ENPP3: variants seen among roughly 807,000 people sequenced by gnomAD.
ENPP3 encodes ectonucleotide pyrophosphatase/phosphodiesterase family member 3.
In ENPP3, 104 loss-of-function variants were observed where a neutral mutation model predicts 117.8. The observed-to-expected ratio is 0.88, with a 90% CI of 0.75 to 1.04. ENPP3 has a LOEUF of 1.04. ENPP3 is among the 50% of genes least tolerant of loss of function. The probability of loss-of-function intolerance (pLI) is 0.00; values close to 1 mark genes in which losing one functional copy is unlikely to be tolerated. For missense variants in ENPP3, 1,026 were observed against 1,051.9 expected, an observed-to-expected ratio of 0.98 and a Z score of 0.34; for synonymous variants, 380 against 349.9, an observed-to-expected ratio of 1.09 and a Z score of -0.96.
chr6:131,742,399 A>G (rs149229448), intron 24 of ENPP3, among the ~76,000 whole-genome samples: 321 of 152,292 alleles, frequency 2.1e-3, no homozygotes, highest in African/African-American at 7.4e-3. Context: ...CAATGAGTAC[A>G]CAAAGAAAAA....
intron 15 of ENPP3, among the ~76,000 whole-genome samples, chr6:131,701,747 C>T (rs1273411033): frequency 6.7e-6 from 1 of 150,238 alleles, no homozygotes; most frequent in Non-Finnish European, 1.5e-5. Flanking sequence ...CCCGGCGTGG[C>T]GGCGTGTACC....
chr6:131,647,929 G>A (rs1778183884), intron 2 of ENPP3, among the ~76,000 whole-genome samples: 1 of 152,018 alleles, frequency 6.6e-6, no homozygotes, highest in Non-Finnish European at 1.5e-5. Flanking sequence ...GTATATTCTT[G>A]TAGAAATTTT....
At chr6:131,720,260 C>CTAA (rs749414677) in intron 16 of ENPP3, 32 bp from the exon 17 acceptor site, 11 of 1,317,596 alleles carry the variant, frequency 8.3e-6, no homozygotes, top group Middle Eastern at 2.0e-4. Context: ...TGGATGACAT[C>CTAA]TAATAATAAT....
intron 17 of ENPP3, 49 bp downstream of exon 17, chr6:131,720,428 T>G (rs377224460): frequency 5.3e-6 from 5 of 942,096 alleles, no homozygotes; most frequent in Non-Finnish European, 8.1e-6. Flanking sequence ...TAGTTTTAAA[T>G]ATATGTGATT....
chr6:131,727,479 C>T lies in ENPP3; in HGVS notation c.1953+1279C>T, dbSNP rs145016070. On this transcript the variant is annotated intron_variant, in intron 20 of 24. Coordinates refer to ENST00000357639, the MANE Select transcript of ENPP3 (RefSeq NM_005021.5). The stretch of plus-strand genomic sequence containing the variant: ...CTGAGGCAGGAGAATCGCTTGAACC[C>T]GGGAGGTGGAGGTTGCAGTGAGCCA... 6.3e-3 allele frequency among the ~76,000 whole-genome samples: 889 copies of T among 140,224 alleles called. 7 individuals carry two copies. The highest frequency in any genetic ancestry group is 0.024 in the African/African-American group (852 of 36,126). 92.0% of individuals were successfully genotyped at this position (140,224 alleles called of 152,430 possible). A position where few individuals can be genotyped will look rare whatever the true frequency, so the allele number is the denominator to read the frequency against.
chr6:131,716,724 T>A, intron 15 of ENPP3, among the ~76,000 whole-genome samples: 1 of 150,848 alleles, frequency 6.6e-6, no homozygotes, highest in Non-Finnish European at 1.5e-5. Flanking sequence ...ATCCCAGCAC[T>A]TTGGGAGGCT....
chr6:131,738,017 G>T lies in ENPP3; in HGVS notation c.2168-14G>T, dbSNP rs909430740. 9 of 1,569,262 alleles carry T rather than the reference G, an allele frequency of 5.7e-6. No individual in the cohort carries two copies. Among genetic ancestry groups the T allele is most frequent in the Non-Finnish European group, 7.8e-6 (9 of 1,152,246 alleles). On this transcript the variant is annotated splice_polypyrimidine_tract_variant and intron_variant, in intron 22 of 24. Transcript: ENST00000357639. ...GAAGTGGACATTTTAAACACTTTAT[G>T]ATTTTATTTTTAGAAATGTGGGACT...
intron 14 of ENPP3, among the ~76,000 whole-genome samples, chr6:131,693,213 A>G (rs533674505): frequency 6.6e-6 from 1 of 151,340 alleles, no homozygotes; most frequent in East Asian, 1.9e-4. Context: ...GTCTCACTCT[A>G]TGGCCCAGGC....
intron 7 of ENPP3, among the ~76,000 whole-genome samples, chr6:131,673,359 G>A (rs1778789605): frequency 6.6e-6 from 1 of 152,136 alleles, no homozygotes; most frequent in South Asian, 2.1e-4. Context: ...ATATTATGCA[G>A]CCATAAAAAA....
Position 131,652,569 on chromosome 6 carries a change from G to A in ENPP3, c.305G>A (p.Arg102His), listed in dbSNP as rs371115901. Residue 102 changes from arginine to histidine, a missense_variant, in exon 4 of 25, where the codon CGT becomes CAT. Coordinates refer to ENST00000357639, the MANE Select transcript of ENPP3 (RefSeq NM_005021.5). The part of the protein sequence containing the change: ...STRIWMCNKF[R>H]CGETRLEASL... ...CGAATATGGATGTGCAATAAATTTC[G>A]TTGTGGAGAGACCAGATTAGAGGCC... The A allele has an allele frequency of 4.2e-5, 68 of 1,613,854 alleles. No individual in the cohort carries two copies. Among genetic ancestry groups the A allele is most frequent in the Middle Eastern group, 3.3e-4 (2 of 6,080 alleles).
At position 131,701,378 on chromosome 6, in the gene ENPP3, G is replaced by C. The variant is rs1219090444; in HGVS notation, c.1412+7754G>C. 2 of 1,614,004 alleles carry C rather than the reference G, an allele frequency of 1.2e-6. No individual in the cohort carries two copies. Among genetic ancestry groups the C allele is most frequent in the Admixed American group, 1.7e-5 (1 of 60,014 alleles). On this transcript the variant is annotated intron_variant, in intron 15 of 24. Transcript: ENST00000357639. ...GAAATCCCAGTAGGAGGAACTCTCTGATGGATGTTATATTGTCTCCCATAT... is the reference window on the plus strand; with the variant it reads ...GAAATCCCAGTAGGAGGAACTCTCTCATGGATGTTATATTGTCTCCCATAT...
At chr6:131,693,812 A>G (rs1432968752) in intron 15 of ENPP3, among the ~76,000 whole-genome samples, 188 bp downstream of exon 15, 1 of 152,192 alleles carries the variant, frequency 6.6e-6, no homozygotes, top group Non-Finnish European at 1.5e-5. Flanking sequence ...TGATTTTAGC[A>G]TCCTTATCTT....
chr6:131,690,739 G>T (rs1779258869), intron 14 of ENPP3, among the ~76,000 whole-genome samples: 2 of 151,844 alleles, frequency 1.3e-5, no homozygotes, highest in African/African-American at 2.4e-5. Flanking sequence ...GCCCATTAGA[G>T]CAGAATTTCT....
chr6:131,641,600 T>C (rs2114283870), intron 2 of ENPP3, 70 bp downstream of exon 2: 1 of 977,174 alleles, frequency 1.0e-6, no homozygotes. Flanking sequence ...TTCATTAAAA[T>C]GTATCTCCCA....
intron 20 of ENPP3, among the ~76,000 whole-genome samples, chr6:131,730,520 C>T (rs777635628): frequency 2.0e-5 from 3 of 152,222 alleles, no homozygotes; most frequent in Non-Finnish European, 4.4e-5. Flanking sequence ...GGGGAAGATA[C>T]ATTCTTGAGA....
Position 131,652,890 on chromosome 6 carries a change from G to A in ENPP3, c.463G>A (p.Gly155Arg). 1.9e-6 allele frequency: 3 copies of A among 1,606,878 alleles called. No homozygotes were observed. Among genetic ancestry groups the A allele is most frequent in the Middle Eastern group, 3.3e-4 (2 of 6,044 alleles). Residue 155 changes from glycine to arginine, a missense_variant and splice_region_variant, in exon 5 of 25, where the codon GGG (glycine) becomes AGG (arginine). Physicochemically the swap from Gly to Arg is moderately radical, Grantham distance 125. Coordinates refer to ENST00000357639, the MANE Select transcript of ENPP3 (RefSeq NM_005021.5). ...AGCCCAGCAGTCTCAGTGCCCAGAA[G>A]GGTGAGCATGACTGATACAGGGATT... ...DTAQQSQCPE[G>R]FDLPPVILFS...
rs370841703 is a variant in ENPP3 at position 131,691,047 on chromosome 6, C to T, written c.1285-2450C>T. 6.6e-5 allele frequency among the ~76,000 whole-genome samples: 10 copies of T among 152,116 alleles called. No homozygotes were observed. In the South Asian group the frequency reaches 2.1e-3, roughly 32 times the overall value. ...TTGAGTATCACAGTCTTTGGAAATC[C>T]ATTGCATGGCATCACAGATATGGAC... On this transcript the variant is annotated intron_variant, in intron 14 of 24. Coordinates refer to ENST00000357639, the MANE Select transcript of ENPP3 (RefSeq NM_005021.5).
intron 1 of ENPP3, among the ~76,000 whole-genome samples, chr6:131,639,457 C>G (rs1167223175): frequency 1.3e-5 from 2 of 151,750 alleles, no homozygotes; most frequent in Non-Finnish European, 1.5e-5. Context: ...CCTAGCTTAT[C>G]AATTCAGGAA....
At chr6:131,658,085 T>C (rs1778422838) in intron 5 of ENPP3, among the ~76,000 whole-genome samples, 2 of 147,144 alleles carry the variant, frequency 1.4e-5, no homozygotes, top group East Asian at 3.9e-4. Flanking sequence ...ACCCAGGAGG[T>C]GGAGGTGGCA....
Sources: gnomAD v4.1 joint callset for allele counts (sites outside exome capture counted in the v4.1 genomes callset) on GRCh38, gnomAD v4.1.1 for gene constraint, MANE v1.5 for transcripts, NCBI Gene and HGNC (gene_info 2026-07-23, HGNC 2026-07-21) for gene names.